KARS1: variants seen among roughly 807,000 people sequenced by gnomAD.
KARS1 encodes lysyl-tRNA synthetase 1, also known as lysine--tRNA ligase.
Under a neutral mutation model 63.9 loss-of-function variants are expected in KARS1, and 50 were observed. That is an observed-to-expected ratio of 0.78 (90% confidence interval 0.62 to 0.99). The LOEUF (loss-of-function observed/expected upper bound fraction) is 0.99. KARS1 is among the 50% of genes least tolerant of loss of function. The pLI is 0.00. For synonymous variants in KARS1, 320 were observed against 264.6 expected (o/e 1.21, Z -2.03); for missense variants, 816 against 754.5 (o/e 1.08, Z -0.95).
rs748756102 is a variant in KARS1, at chr16:75,641,710, G to A, written c.76C>T (p.Arg26Cys). 14 of 1,613,762 alleles carry A rather than the reference G, an allele frequency of 8.7e-6. No homozygotes were observed. Among genetic ancestry groups the A allele is most frequent in the South Asian group, 7.7e-5 (7 of 91,076 alleles). The change falls in exon 2 of 14, where the codon CGC (arginine) becomes TGC (cysteine). Residue 26 changes from arginine to cysteine, a missense_variant. Coordinates refer to ENST00000302445, the MANE Select transcript of KARS1 (RefSeq NM_005548.3). ...PKLSKNELKR[R>C]LKAEKKVAEK... The stretch of plus-strand genomic sequence containing the variant: ...GCTACTTTCTTCTCAGCTTTCAGGC[G>A]TCTCTTCAGCTCACTGTTGGAAAGA...
chr16:75,647,458 G>GC, intron 1 of KARS1, 120 bp downstream of exon 1: 1 of 921,482 alleles, frequency 1.1e-6, no homozygotes, highest in South Asian at 1.4e-5. Flanking sequence ...CTCAGCATGT[G>GC]CGTACCCACG....
Position 75,630,493 on chromosome 16 carries a change from G to T in KARS1, c.1354C>A (p.Leu452Met). The T allele has an allele frequency of 6.2e-7, 1 of 1,609,592 alleles. No individual in the cohort carries two copies. Among genetic ancestry groups the T allele is most frequent in the South Asian group, 1.1e-5 (1 of 91,004 alleles). ...RLLDKLVGEF[L>M]EVTCINPTFI... ...GTAGGATTGATGCAAGTCACTTCCAGGAACTCCCCAACAAGCTTAATGAGA... is the reference window on the plus strand; with the variant it reads ...GTAGGATTGATGCAAGTCACTTCCATGAACTCCCCAACAAGCTTAATGAGA... The change falls in exon 11 of 14, where the codon CTG becomes ATG. Residue 452 changes from leucine to methionine, a missense_variant. Leu to Met is a conservative substitution (Grantham distance 15). Coordinates refer to ENST00000302445, the MANE Select transcript of KARS1 (RefSeq NM_005548.3).
chr16:75,640,415 T>G, intron 2 of KARS1, 66 bp from the exon 3 acceptor site: 1 of 1,487,042 alleles, frequency 6.7e-7, no homozygotes, highest in East Asian at 2.3e-5. Context: ...GGGGCCCACC[T>G]AGCAGAGGGC....
rs764308156 is a variant in KARS1, at chr16:75,631,230, TATC to T, written c.1273_1275del (p.Asp425del). 1.2e-6 allele frequency: 2 copies of T among 1,614,040 alleles called. No homozygotes were observed. The highest frequency in any genetic ancestry group is 1.7e-6 in the Non-Finnish European group (2 of 1,179,980). ...CATTCAACAGCTTTTGCCACACAGA[TATC>T]ATCAAGAATTTTGCGAGTTTCTGGG... On this transcript the variant is annotated inframe_deletion, in exon 10 of 14. Coordinates refer to ENST00000302445, the MANE Select transcript of KARS1 (RefSeq NM_005548.3).
intron 1 of KARS1, chr16:75,644,318 C>T (rs764879484): frequency 9.3e-6 from 15 of 1,606,834 alleles, no homozygotes; most frequent in East Asian, 2.2e-5. Context: ...CCTTGTGAGG[C>T]GCTGTGAAAG....
At chr16:75,642,325 C>T (rs1040359507) in intron 1 of KARS1, among the ~76,000 whole-genome samples, 2 of 150,914 alleles carry the variant, frequency 1.3e-5, no homozygotes, top group African/African-American at 2.4e-5. Flanking sequence ...GCCTCAGCCT[C>T]CTGAGTAGCT....
intron 3 of KARS1, 186 bp downstream of exon 3, chr16:75,639,998 A>G: frequency 1.6e-6 from 1 of 616,104 alleles, no homozygotes; most frequent in Non-Finnish European, 2.9e-6. Flanking sequence ...CTCATCTGGA[A>G]TATGATTCCA....
intron 7 of KARS1, 101 bp from the exon 8 acceptor site, chr16:75,631,956 C>A (rs898142682): frequency 4.2e-5 from 58 of 1,366,916 alleles, no homozygotes; most frequent in Non-Finnish European, 6.0e-5. Flanking sequence ...GGCAAGATCT[C>A]AGCTCACCGC....
At chr16:75,634,044 G>T in intron 7 of KARS1, 129 bp downstream of exon 7, 1 of 951,942 alleles carries the variant, frequency 1.1e-6, no homozygotes, top group South Asian at 1.3e-5. Flanking sequence ...CCACACACCT[G>T]ACCCATCAGA....
chr16:75,634,897 A>C (rs551951485), intron 6 of KARS1, among the ~76,000 whole-genome samples: 7 of 152,210 alleles, frequency 4.6e-5, no homozygotes, highest in Non-Finnish European at 5.9e-5. Context: ...TTTATTAAAA[A>C]TTTAGGCTGG....
intron 7 of KARS1, among the ~76,000 whole-genome samples, chr16:75,632,542 T>A (rs909058470): frequency 1.3e-5 from 2 of 152,206 alleles, no homozygotes; most frequent in Non-Finnish European, 2.9e-5. Context: ...ATAGAATTCA[T>A]TCTGGTGAAG....
chr16:75,633,670 A>G (rs1462454412), intron 7 of KARS1, among the ~76,000 whole-genome samples: 2 of 152,092 alleles, frequency 1.3e-5, no homozygotes, highest in Non-Finnish European at 2.9e-5. Flanking sequence ...GGCACATGCC[A>G]CCACGCCCAG....
chr16:75,640,043 T>C, intron 3 of KARS1, 141 bp downstream of exon 3: 3 of 735,496 alleles, frequency 4.1e-6, no homozygotes, highest in Admixed American at 2.0e-5. Flanking sequence ...TCTGTATAGA[T>C]ATAATGGCAC....
In KARS1 at chr16:75,647,631, GGCC is replaced by G. The variant is rs1597182151; in HGVS notation, c.6_8del (p.Ala3del). On this transcript the variant is annotated inframe_deletion, in exon 1 of 14. Transcript: ENST00000302445. ...CCACTTTCACCTCGGCCGCCTGCAC[GGCC>G]GCCATCTTCCCGGAGGGCCCGACCC... is the stretch of plus-strand genomic sequence containing the variant. 3 of 1,613,898 alleles carry G rather than the reference GGCC, an allele frequency of 1.9e-6. No individual in the cohort carries two copies. Among genetic ancestry groups the G allele is most frequent in the Non-Finnish European group, 2.5e-6 (3 of 1,179,890 alleles).
In KARS1 at chr16:75,628,718, A is replaced by C. The variant is rs147548667; in HGVS notation, c.1552-6T>G. ...TCATCACCTGCAGCCTTGGCCTAGA[A>C]GAGGAAAGAGAACCAAAAGGTGACC... is the stretch of plus-strand genomic sequence containing the variant. On this transcript the variant is annotated splice_region_variant and splice_polypyrimidine_tract_variant and intron_variant, in intron 12 of 13. Transcript: ENST00000302445. 4.2e-4 allele frequency: 674 copies of C among 1,614,214 alleles called. No individual in the cohort carries two copies. Among genetic ancestry groups the C allele is most frequent in the Non-Finnish European group, 5.2e-4 (613 of 1,180,022 alleles).
intron 7 of KARS1, among the ~76,000 whole-genome samples, chr16:75,633,037 A>G (rs1259040051): frequency 6.6e-6 from 1 of 152,176 alleles, no homozygotes; most frequent in Non-Finnish European, 1.5e-5. Flanking sequence ...GAGGTTGACC[A>G]AAGATACTGC....
chr16:75,644,358 T>C (rs1178609576), intron 1 of KARS1: 1 of 1,612,196 alleles, frequency 6.2e-7, no homozygotes, highest in Admixed American at 1.7e-5. Context: ...CAGTTCCCTG[T>C]GACCCCACTC....
At chr16:75,647,416 G>A (rs1007528799) in intron 1 of KARS1, 162 bp downstream of exon 1, 7 of 729,538 alleles carry the variant, frequency 9.6e-6, no homozygotes, top group Admixed American at 4.1e-5. Context: ...GGTATCCCGG[G>A]GTACGTGGTC....
intron 1 of KARS1, among the ~76,000 whole-genome samples, chr16:75,642,506 C>G (rs544489544): frequency 2.6e-5 from 4 of 152,034 alleles, no homozygotes; most frequent in Non-Finnish European, 4.4e-5. Flanking sequence ...CCCTCCAATG[C>G]CAGATCTAAT....
Sources: allele counts gnomAD v4.1 joint callset (sites outside exome capture counted in the v4.1 genomes callset), GRCh38; gene constraint gnomAD v4.1.1; transcripts MANE v1.5; gene names NCBI Gene and HGNC (gene_info 2026-07-23, HGNC 2026-07-21).